Variants in GRM8 observed in about 807,000 individuals in gnomAD.
GRM8 encodes the protein metabotropic glutamate receptor 8.
In GRM8, 47 loss-of-function variants were observed where a neutral mutation model predicts 87.2. The ratio of observed to expected loss-of-function variants is 0.54; its 90% CI spans 0.43 to 0.69. The LOEUF (loss-of-function observed/expected upper bound fraction) is 0.69. GRM8 is among the 30% of genes least tolerant of loss of function. The probability of loss-of-function intolerance (pLI) is 0.00; values close to 1 mark genes in which losing one functional copy is unlikely to be tolerated. For missense variants in GRM8, 1,019 were observed against 1,139.2 expected (o/e 0.89, Z 1.52); for synonymous variants, 396 against 404.5 (o/e 0.98, Z 0.25).
At chr7:126,475,139 T>C (rs1584744443) in intron 9 of GRM8, among the ~76,000 whole-genome samples, 1 of 152,108 alleles carries the variant, frequency 6.6e-6, no homozygotes, top group East Asian at 1.9e-4. Context: ...AAAGCAATTA[T>C]GCAAGAATAA....
rs17864095 is a variant in GRM8, at chr7:127,008,690, C to T, written c.727+97806G>A. 5.8e-3 allele frequency among the ~76,000 whole-genome samples: 878 copies of T among 152,040 alleles called. 9 individuals are homozygous for T. Among genetic ancestry groups the T allele is most frequent in the Admixed American group, 0.012 (186 of 15,258 alleles). On this transcript the variant is annotated intron_variant, in intron 3 of 10. Coordinates refer to ENST00000339582, the MANE Select transcript of GRM8 (RefSeq NM_000845.3). ...GTTATTTTTAAGTCAATTAGTAGTA[C>T]AAAAACAATATTCAAAAGTTCCATG...
rs544793979 is a variant in GRM8, at chr7:126,658,784, C to T, written c.1358-49286G>A. Among the ~76,000 whole-genome samples, 38 of 152,092 alleles carry T rather than the reference C, an allele frequency of 2.5e-4. No homozygotes were observed. In the South Asian group the frequency reaches 6.4e-3, roughly 26 times the overall value. ...ATTAGATTGGAAAAAAAATCCTCTT[C>T]GTCTTCTGCCGGGCCCGCCCAGCAG... On this transcript the variant is annotated intron_variant, in intron 7 of 10. Transcript: ENST00000339582.
At chr7:126,997,765 C>A (rs1340523679) in intron 3 of GRM8, among the ~76,000 whole-genome samples, 1 of 151,630 alleles carries the variant, frequency 6.6e-6, no homozygotes, top group East Asian at 1.9e-4. Context: ...AGACCAATAA[C>A]AAAGTAACAA....
chr7:127,019,253 A>G (rs980550199), intron 3 of GRM8, among the ~76,000 whole-genome samples: 1 of 152,118 alleles, frequency 6.6e-6, no homozygotes, highest in Non-Finnish European at 1.5e-5. Context: ...GCTTTAAACT[A>G]TTGAAAACTG....
intron 8 of GRM8, among the ~76,000 whole-genome samples, chr7:126,585,014 T>C (rs1044581889): frequency 1.3e-5 from 2 of 152,198 alleles, no homozygotes; most frequent in Non-Finnish European, 2.9e-5. Flanking sequence ...TTATTAATCA[T>C]ATAAAGAAGA....
intron 3 of GRM8, among the ~76,000 whole-genome samples, chr7:127,086,636 C>A (rs1168107256): frequency 6.6e-6 from 1 of 152,184 alleles, no homozygotes; most frequent in Non-Finnish European, 1.5e-5. Flanking sequence ...AACCTCTGCA[C>A]CTGCATAGTT....
chr7:127,060,058 C>T (rs1406036871), intron 3 of GRM8, among the ~76,000 whole-genome samples: 2 of 152,190 alleles, frequency 1.3e-5, no homozygotes, highest in Non-Finnish European at 2.9e-5. Flanking sequence ...TACCATAATC[C>T]TCAAGAGGTG....
intron 3 of GRM8, among the ~76,000 whole-genome samples, chr7:126,940,884 C>T (rs528755030): frequency 5.9e-5 from 9 of 152,252 alleles, no homozygotes; most frequent in Admixed American, 5.9e-4. Context: ...ACTGTGTAAG[C>T]AATGCAGATG....
chr7:127,082,623 A>T (rs559196424), intron 3 of GRM8, among the ~76,000 whole-genome samples: 2 of 152,212 alleles, frequency 1.3e-5, no homozygotes, highest in African/African-American at 4.8e-5. Context: ...CCCTATTATG[A>T]CATAAATCTC....
intron 7 of GRM8, among the ~76,000 whole-genome samples, chr7:126,638,524 G>A (rs943255505): frequency 6.6e-6 from 1 of 152,180 alleles, no homozygotes; most frequent in African/African-American, 2.4e-5. Flanking sequence ...ATATAGACAA[G>A]TAGGTTTATT....
At chr7:127,059,044 A>C (rs1180030219) in intron 3 of GRM8, among the ~76,000 whole-genome samples, 2 of 152,190 alleles carry the variant, frequency 1.3e-5, no homozygotes, top group African/African-American at 2.4e-5. Flanking sequence ...ACAAGTGAGC[A>C]ACAGATTTCA....
At chr7:126,561,332 G>A (rs1262603725) in intron 8 of GRM8, among the ~76,000 whole-genome samples, 3 of 152,030 alleles carry the variant, frequency 2.0e-5, no homozygotes, top group Non-Finnish European at 4.4e-5. Context: ...TTAGCCGGGC[G>A]TGGTGGCTCG....
At chr7:127,125,767 C>G (rs2133201203) in intron 2 of GRM8, among the ~76,000 whole-genome samples, 1 of 144,322 alleles carries the variant, frequency 6.9e-6, no homozygotes, top group South Asian at 2.2e-4. Context: ...AACAACTAAA[C>G]ACACACACAC....
intron 6 of GRM8, among the ~76,000 whole-genome samples, chr7:126,848,163 C>T (rs1308443719): frequency 3.9e-5 from 6 of 152,004 alleles, no homozygotes; most frequent in African/African-American, 7.3e-5. Context: ...GTAATAAAGA[C>T]GGGAAGAGGA....
At position 126,685,522 on chromosome 7, in the gene GRM8, C is replaced by T. The variant is rs538845768; in HGVS notation, c.1358-76024G>A. Among the ~76,000 whole-genome samples, 14 of 152,278 alleles carry T rather than the reference C, an allele frequency of 9.2e-5. No individual in the cohort carries two copies. The highest frequency in any genetic ancestry group is 6.8e-3 in the Middle Eastern group (2 of 294). On this transcript the variant is annotated intron_variant, in intron 7 of 10. Transcript: ENST00000339582. This position sits in a 1 kb window ranked among gnomAD's most constrained non-coding sequence, Gnocchi z 4.2. ...TCTGACCCCTGCAGGCTTGGAGGTG[C>T]CTGCTTCCACTGCCTGGCTTCTCCC...
chr7:127,123,562 T>C (rs973668489), intron 2 of GRM8, among the ~76,000 whole-genome samples: 1 of 152,144 alleles, frequency 6.6e-6, no homozygotes, highest in African/African-American at 2.4e-5. Flanking sequence ...CAGATGCAGA[T>C]GCCCAATCTT....
chr7:127,010,133 A>G (rs113974636), intron 3 of GRM8, among the ~76,000 whole-genome samples: 2,400 of 152,206 alleles, frequency 0.016, 58 homozygotes, highest in African/African-American at 0.054. Context: ...ATGAGCCACC[A>G]CACCTGGCTT....
intron 7 of GRM8, among the ~76,000 whole-genome samples, chr7:126,617,041 C>G (rs1000846528): frequency 2.9e-4 from 44 of 152,154 alleles, no homozygotes; most frequent in African/African-American, 1.0e-3. Context: ...CCAGCATTAT[C>G]CTGATACCAA....
intron 3 of GRM8, among the ~76,000 whole-genome samples, chr7:127,029,511 G>A (rs965695245): frequency 6.6e-6 from 1 of 152,088 alleles, no homozygotes; most frequent in Non-Finnish European, 1.5e-5. Flanking sequence ...ATGAATCTGG[G>A]TGCTCCTGTA....
Sources: gnomAD v4.1 joint callset for allele counts (sites outside exome capture counted in the v4.1 genomes callset) on GRCh38, gnomAD v4.1.1 for gene constraint, Gnocchi (gnomAD v3.1) non-coding constraint, MANE v1.5 for transcripts, NCBI Gene and HGNC (gene_info 2026-07-23, HGNC 2026-07-21) for gene names.